ANKRD7: variants seen among roughly 807,000 people sequenced by gnomAD.
ANKRD7 encodes ankyrin repeat domain 7.
Under a neutral mutation model 30.8 loss-of-function variants are expected in ANKRD7, and 30 were observed. The ratio of observed to expected loss-of-function variants is 0.97; its 90% CI spans 0.73 to 1.32. ANKRD7 has a LOEUF of 1.32. ANKRD7 is among the 40% of genes most tolerant of loss of function. The pLI is 0.00. For missense variants in ANKRD7, 264 were observed against 295.7 expected, an observed-to-expected ratio of 0.89 and a Z score of 0.79; for synonymous variants, 97 against 106.6, an observed-to-expected ratio of 0.91 and a Z score of 0.55.
At chr7:118,227,686 T>C (rs1809567749) in intron 1 of ANKRD7, among the ~76,000 whole-genome samples, 1 of 152,134 alleles carries the variant, frequency 6.6e-6, no homozygotes, top group Admixed American at 6.5e-5. Context: ...ACAAACCCAT[T>C]AACAACCACT....
At position 118,226,833 on chromosome 7, in the gene ANKRD7, T is replaced by G. The variant is rs145461696; in HGVS notation, c.179+1824T>G. On this transcript the variant is annotated intron_variant, in intron 1 of 6. Coordinates refer to ENST00000265224, the MANE Select transcript of ANKRD7 (RefSeq NM_019644.4). Reference sequence around the variant, plus strand: ...TTGTTGCAAATTTCCAAAATTTTTCTTATATAGCTATTGAAAAAAATCTAT... The same window carrying G: ...TTGTTGCAAATTTCCAAAATTTTTCGTATATAGCTATTGAAAAAAATCTAT... Among the ~76,000 whole-genome samples the G allele has an allele frequency of 1.0e-3, 154 of 152,314 alleles. 1 individual carries two copies. The highest frequency in any genetic ancestry group is 3.6e-3 in the African/African-American group (151 of 41,574).
At chr7:118,226,255 C>T (rs1562871123) in intron 1 of ANKRD7, among the ~76,000 whole-genome samples, 1 of 152,134 alleles carries the variant, frequency 6.6e-6, no homozygotes, top group Admixed American at 6.5e-5. Context: ...TCAAAACAGG[C>T]ATTTGAACTC....
At chr7:118,225,892 G>A (rs1308100304) in intron 1 of ANKRD7, among the ~76,000 whole-genome samples, 1 of 152,034 alleles carries the variant, frequency 6.6e-6, no homozygotes, top group Non-Finnish European at 1.5e-5. Context: ...AATATATGCT[G>A]CAAATATGTG....
intron 1 of ANKRD7, among the ~76,000 whole-genome samples, chr7:118,233,972 T>G (rs1309311228): frequency 2.0e-5 from 3 of 152,122 alleles, no homozygotes; most frequent in African/African-American, 7.2e-5. Context: ...CTTTTACTTC[T>G]CAGAAACAAA....
At chr7:118,233,382 A>T (rs1267947393) in intron 1 of ANKRD7, among the ~76,000 whole-genome samples, 2 of 152,098 alleles carry the variant, frequency 1.3e-5, no homozygotes, top group African/African-American at 2.4e-5. Flanking sequence ...TTGTAGTTGT[A>T]TTACAGTCTT....
chr7:118,236,212 G>A (rs1049024191), intron 4 of ANKRD7, 65 bp downstream of exon 4: 116 of 452,662 alleles, frequency 2.6e-4, no homozygotes, highest in Non-Finnish European at 4.0e-4. Flanking sequence ...GTGTGCGTAT[G>A]TGTGTGTGTG....
At chr7:118,239,089 G>A (rs1584726834) in intron 5 of ANKRD7, among the ~76,000 whole-genome samples, 1 of 152,288 alleles carries the variant, frequency 6.6e-6, no homozygotes, top group East Asian at 1.9e-4. Flanking sequence ...GTCATCTAAA[G>A]GGCAGTCACC....
intron 6 of ANKRD7, 135 bp from the exon 7 acceptor site, chr7:118,242,214 T>A (rs1158191537): frequency 6.6e-6 from 1 of 152,220 alleles, no homozygotes; most frequent in Non-Finnish European, 1.5e-5. Context: ...CTTAATTATT[T>A]AAAAATTACT....
chr7:118,241,521 CTTTTTTTTTTTTTTTTT>C (rs3061682), intron 6 of ANKRD7, among the ~76,000 whole-genome samples: 1 of 84,542 alleles, frequency 1.2e-5, no homozygotes, highest in Non-Finnish European at 2.3e-5. Flanking sequence ...TCTGAATTAC[CTTTTTTTTTTTTTTTTT>C]TTTTTTTTTT....
chr7:118,225,682 C>A (rs896105787), intron 1 of ANKRD7, among the ~76,000 whole-genome samples: 14 of 152,010 alleles, frequency 9.2e-5, no homozygotes, highest in Non-Finnish European at 1.5e-4. Context: ...GTAGAGACGA[C>A]CCCCTGGAAC....
intron 6 of ANKRD7, among the ~76,000 whole-genome samples, chr7:118,241,539 T>G (rs1256088126): frequency 7.4e-6 from 1 of 135,084 alleles, no homozygotes; most frequent in Non-Finnish European, 1.6e-5. Flanking sequence ...TTTTTTTTTT[T>G]TTTTTTTTTT....
intron 6 of ANKRD7, among the ~76,000 whole-genome samples, chr7:118,241,691 A>G (rs988141787): frequency 1.3e-5 from 2 of 151,548 alleles, no homozygotes; most frequent in Non-Finnish European, 2.9e-5. Flanking sequence ...AGGCTCCACC[A>G]CCATGCCCGA....
chr7:118,234,574 GA>G, intron 2 of ANKRD7, 29 bp downstream of exon 2: 1 of 1,578,278 alleles, frequency 6.3e-7, no homozygotes, highest in South Asian at 1.2e-5. Context: ...TTTTCAATTG[GA>G]ATGTGTTTGA....
intron 1 of ANKRD7, among the ~76,000 whole-genome samples, chr7:118,226,137 G>C (rs1809536228): frequency 6.6e-6 from 1 of 152,172 alleles, no homozygotes; most frequent in African/African-American, 2.4e-5. Context: ...TGTTGAGCTG[G>C]GGTTAACAAG....
At chr7:118,235,978 T>G (rs1809720711) in intron 3 of ANKRD7, 63 bp from the exon 4 acceptor site, 5 of 869,702 alleles carry the variant, frequency 5.7e-6, no homozygotes, top group Non-Finnish European at 9.0e-6. Context: ...TAAGTTGAAC[T>G]TAAATCTAAA....
At chr7:118,238,953 G>A (rs1809778788) in intron 5 of ANKRD7, among the ~76,000 whole-genome samples, 1 of 152,204 alleles carries the variant, frequency 6.6e-6, no homozygotes, top group Admixed American at 6.5e-5. Flanking sequence ...TTAAGTTAAA[G>A]TGAGGCCAAT....
chr7:118,230,592 G>A (rs1809619273), intron 1 of ANKRD7, among the ~76,000 whole-genome samples: 1 of 151,574 alleles, frequency 6.6e-6, no homozygotes, highest in African/African-American at 2.4e-5. Context: ...ACTTGATAAA[G>A]CTGAATGAAA....
intron 5 of ANKRD7, among the ~76,000 whole-genome samples, chr7:118,239,369 C>A (rs1427293783): frequency 6.6e-6 from 1 of 152,062 alleles, no homozygotes; most frequent in African/African-American, 2.4e-5. Context: ...CCTGAAACAC[C>A]CCTGTCCCCC....
chr7:118,230,748 G>A (rs1809623098), intron 1 of ANKRD7, among the ~76,000 whole-genome samples: 1 of 151,922 alleles, frequency 6.6e-6, no homozygotes. Flanking sequence ...AATGTGGGCA[G>A]AGGAAAGTAG....
Sources: allele counts gnomAD v4.1 joint callset (sites outside exome capture counted in the v4.1 genomes callset), GRCh38; gene constraint gnomAD v4.1.1; transcripts MANE v1.5; gene names NCBI Gene and HGNC (gene_info 2026-07-23, HGNC 2026-07-21).